RTN3: variants seen among roughly 807,000 people sequenced by gnomAD.
RTN3 encodes the protein reticulon-3.
A neutral mutation model predicts 77.8 loss-of-function variants in RTN3; 49 were observed. That is an observed-to-expected ratio of 0.63 (90% CI 0.50 to 0.80). The LOEUF is 0.80. Among genes scored for constraint, RTN3 ranks in the 30% least tolerant of loss-of-function variants. The probability of loss-of-function intolerance (pLI) is 0.00; values close to 1 mark genes in which losing one functional copy is unlikely to be tolerated. For synonymous variants in RTN3, 464 were observed against 446.9 expected, an observed-to-expected ratio of 1.04 and a Z score of -0.48; for missense variants, 1,236 against 1,211.9, an observed-to-expected ratio of 1.02 and a Z score of -0.29.
intron 2 of RTN3, among the ~76,000 whole-genome samples, chr11:63,710,993 T>A (rs1472879952): frequency 6.6e-6 from 1 of 152,152 alleles, no homozygotes; most frequent in African/African-American, 2.4e-5. Flanking sequence ...GAGGAAAATT[T>A]ACTGGCTGGG....
At chr11:63,733,775 C>T (rs2012869534) in intron 3 of RTN3, among the ~76,000 whole-genome samples, 1 of 151,518 alleles carries the variant, frequency 6.6e-6, no homozygotes, top group African/African-American at 2.4e-5. Flanking sequence ...TCTGTAGTCC[C>T]AGCTACTCGG....
At chr11:63,708,476 G>A (rs1031694944) in intron 2 of RTN3, among the ~76,000 whole-genome samples, 6 of 152,140 alleles carry the variant, frequency 3.9e-5, no homozygotes, top group Non-Finnish European at 7.3e-5. Context: ...AATAGGACAT[G>A]TTAAGATTTA....
chr11:63,700,183 A>C lies in RTN3; in HGVS notation c.143-4668A>C, dbSNP rs76712098. 9.8e-4 allele frequency among the ~76,000 whole-genome samples: 149 copies of C among 151,948 alleles called. 2 individuals are homozygous for C. The East Asian group carries it at 0.024, about 25-fold the overall frequency. ...TATTTGGTTTTTCAGGTTTGTTGGGATTTAAACGCATCATTGGCAGAGATT... is the reference window on the plus strand; with the variant it reads ...TATTTGGTTTTTCAGGTTTGTTGGGCTTTAAACGCATCATTGGCAGAGATT... On this transcript the variant is annotated intron_variant, in intron 1 of 8. Coordinates refer to ENST00000377819, the MANE Select transcript of RTN3 (RefSeq NM_001265589.2).
At chr11:63,701,386 C>T (rs150372085) in intron 1 of RTN3, among the ~76,000 whole-genome samples, 1 of 152,100 alleles carries the variant, frequency 6.6e-6, no homozygotes, top group East Asian at 1.9e-4. Context: ...TATCTTTTAA[C>T]ATCTCAATTT....
At chr11:63,730,369 G>A (rs1310271499) in intron 3 of RTN3, among the ~76,000 whole-genome samples, 1 of 152,200 alleles carries the variant, frequency 6.6e-6, no homozygotes, top group Middle Eastern at 3.2e-3. Flanking sequence ...GTAAGCATAA[G>A]AAGATGAAAG....
At position 63,720,843 on chromosome 11, in the gene RTN3, G is replaced by T. The variant is rs781083471; in HGVS notation, c.2341G>T (p.Ala781Ser). The change falls in exon 3 of 9, where the codon GCT becomes TCT. Residue 781 changes from alanine (A) to serine (S), a missense_variant. Physicochemically the swap from Ala to Ser is moderately conservative, Grantham distance 99 (BLOSUM62 1). Around this residue, in one of 3 missense-constraint regions of RTN3, gnomAD observed 1,056 missense variants for 990.4 expected, o/e 1.07. Transcript: ENST00000377819. Reference protein sequence around the residue: ...EEVLKQTFTFAPESWPQRSYD... With the variant: ...EEVLKQTFTFSPESWPQRSYD... ...AGTACTGAAGCAAACTTTCACATTT[G>T]CTCCAGAATCTTGGCCACAGAGATC... The T allele has an allele frequency of 6.2e-6, 10 of 1,613,836 alleles. 1 individual carries two copies. In the South Asian group the frequency reaches 6.6e-5, roughly 11 times the overall value.
chr11:63,724,554 C>T (rs1176426252), intron 3 of RTN3, among the ~76,000 whole-genome samples: 10 of 137,796 alleles, frequency 7.3e-5, no homozygotes, highest in South Asian at 4.8e-4. Flanking sequence ...TGCAATGGCA[C>T]GATCTCGGGT....
Position 63,754,699 on chromosome 11 carries a change from C to CAA in RTN3, c.2994+1009_2994+1010dup, listed in dbSNP as rs35847577. 6.6e-3 allele frequency among the ~76,000 whole-genome samples: 324 copies of CAA among 48,812 alleles called. 6 individuals are homozygous for CAA. Among genetic ancestry groups the CAA allele is most frequent in the African/African-American group, 0.023 (296 of 12,970 alleles). 32.0% of individuals were successfully genotyped at this position (48,812 alleles called of 152,430 possible). On this transcript the variant is annotated intron_variant, in intron 7 of 8. Coordinates refer to ENST00000377819, the MANE Select transcript of RTN3 (RefSeq NM_001265589.2). Reference sequence around the variant, plus strand: ...TGGATGACAGAGCAAGACTCCATCTCAAAAAAAAAAAAAAAAAAACGCTTA... The same window carrying CAA: ...TGGATGACAGAGCAAGACTCCATCTCAAAAAAAAAAAAAAAAAAAAACGCTTA...
rs754096785 is a variant in RTN3, at chr11:63,681,768, C to T, written c.132C>T (p.Ser44=). 2.5e-6 allele frequency: 4 copies of T among 1,592,114 alleles called. No homozygotes were observed. Among genetic ancestry groups the T allele is most frequent in the Middle Eastern group, 1.7e-4 (1 of 5,942 alleles). Residue 44 remains serine, a synonymous_variant, in exon 1 of 9, where the codon TCC becomes TCT. Coordinates refer to ENST00000377819, the MANE Select transcript of RTN3 (RefSeq NM_001265589.2). The part of the protein sequence containing the change: ...CPALGTKSCS[S]SCADSFVSSS... The stretch of plus-strand genomic sequence containing the variant: ...CCCTGGGGACGAAGAGCTGCAGCTC[C>T]TCCTGTGCGGGTAAGGCGCGCGGGG...
At chr11:63,731,426 A>G (rs1421956234) in intron 3 of RTN3, among the ~76,000 whole-genome samples, 2 of 152,178 alleles carry the variant, frequency 1.3e-5, no homozygotes, top group South Asian at 2.1e-4. Flanking sequence ...TAAGGCCATA[A>G]TGAATTTAAG....
intron 3 of RTN3, among the ~76,000 whole-genome samples, chr11:63,731,027 C>T (rs1247807185): frequency 2.6e-5 from 4 of 151,834 alleles, no homozygotes. Context: ...TCATTGGTAT[C>T]GATAATATAC....
At chr11:63,728,199 G>A (rs760725785) in intron 3 of RTN3, among the ~76,000 whole-genome samples, 6 of 152,118 alleles carry the variant, frequency 3.9e-5, no homozygotes, top group African/African-American at 7.2e-5. Flanking sequence ...ACAGTGATGC[G>A]TGATAACATG....
At chr11:63,747,158 G>A in intron 3 of RTN3, 1 of 383,572 alleles carries the variant, frequency 2.6e-6, no homozygotes, top group South Asian at 1.9e-5. Context: ...GTTTTGGGCG[G>A]GAATACCATA....
intron 1 of RTN3, among the ~76,000 whole-genome samples, chr11:63,690,758 G>A (rs1268989469): frequency 6.6e-6 from 1 of 152,020 alleles, no homozygotes. Flanking sequence ...TAAATTCAGT[G>A]GTCACTTCAT....
At chr11:63,686,981 A>G (rs1941408978) in intron 1 of RTN3, among the ~76,000 whole-genome samples, 1 of 152,370 alleles carries the variant, frequency 6.6e-6, no homozygotes, top group South Asian at 2.1e-4. Context: ...TTCCTCACTC[A>G]TGAAACTTAG....
At chr11:63,750,694 C>T (rs539085546) in intron 4 of RTN3, among the ~76,000 whole-genome samples, 42 of 151,588 alleles carry the variant, frequency 2.8e-4, no homozygotes, top group African/African-American at 9.7e-4. Context: ...TTGGGTGATC[C>T]GCCCGCCTCA....
intron 1 of RTN3, among the ~76,000 whole-genome samples, chr11:63,703,082 T>C (rs1482897458): frequency 6.6e-6 from 1 of 152,124 alleles, no homozygotes; most frequent in Non-Finnish European, 1.5e-5. Flanking sequence ...ATTCAACCAA[T>C]TGTGGACCAA....
chr11:63,681,515 G>T lies in RTN3; in HGVS notation c.-122G>T. 9.4e-7 allele frequency: 1 copy of T among 1,065,588 alleles called. No homozygotes were observed. 66.0% of individuals were successfully genotyped at this position (1,065,588 alleles called of 1,614,324 possible). Reference sequence around the variant, plus strand: ...TGAGTCAGTCAGTCTGTCGGAGTCTGTCCTCGGAGCAGGCGGAGTAAAGGG... The same window carrying T: ...TGAGTCAGTCAGTCTGTCGGAGTCTTTCCTCGGAGCAGGCGGAGTAAAGGG... On this transcript the variant is annotated 5_prime_UTR_variant, in exon 1 of 9. Transcript: ENST00000377819.
At position 63,758,873 on chromosome 11, in the gene RTN3, T is replaced by C. The variant is rs2014523436; in HGVS notation, c.*672T>C. 1 of 152,608 alleles carries C rather than the reference T, an allele frequency of 6.6e-6. No individual in the cohort carries two copies. The highest frequency in any genetic ancestry group is 2.4e-5 in the African/African-American group (1 of 41,430). 9.5% of individuals were successfully genotyped at this position (152,608 alleles called of 1,614,324 possible). A position where few individuals can be genotyped will look rare whatever the true frequency, so the allele number is the denominator to read the frequency against. ...GCAGGCATGCTGCGGTGGCGGTCAC[T>C]CCCTCTGCCACTATCCCCAGGGAAG... On this transcript the variant is annotated 3_prime_UTR_variant, in exon 9 of 9. Transcript: ENST00000377819.
Sources: allele counts gnomAD v4.1 joint callset (sites outside exome capture counted in the v4.1 genomes callset), GRCh38; gene constraint gnomAD v4.1.1; regional missense constraint gnomAD v4.1.1; transcripts MANE v1.5; gene names NCBI Gene and HGNC (gene_info 2026-07-23, HGNC 2026-07-21).